Variants in USH2A observed in about 807,000 individuals in gnomAD.
USH2A encodes the protein usherin.
In USH2A, 443 loss-of-function variants were observed where a neutral mutation model predicts 538.9. The observed-to-expected ratio is 0.82, with a 90% confidence interval of 0.76 to 0.89. The LOEUF (loss-of-function observed/expected upper bound fraction) is 0.89, where lower values mean the gene tolerates loss of function less well. USH2A is among the 40% of genes least tolerant of loss of function. The pLI is 0.00. For synonymous variants in USH2A, 2,413 were observed against 2,273.5 expected, an observed-to-expected ratio of 1.06 and a Z score of -1.75; for missense variants, 6,633 against 6,324.8, an observed-to-expected ratio of 1.05 and a Z score of -1.65.
At chr1:216,211,914 A>G (rs781038147) in intron 15 of USH2A, among the ~76,000 whole-genome samples, 3 of 152,040 alleles carry the variant, frequency 2.0e-5, no homozygotes, top group Non-Finnish European at 2.9e-5. Flanking sequence ...CAACTGCCTC[A>G]TTTACAGCAC....
rs1667893929 is a variant in USH2A, at chr1:215,987,310, A to G, written c.6805+5710T>C. ...ACAATACAGGTCACAAATGTATTAGACAGTAATCCTTTGTGCTACTTCTCT... is the reference window on the plus strand; with the variant it reads ...ACAATACAGGTCACAAATGTATTAGGCAGTAATCCTTTGTGCTACTTCTCT... On this transcript the variant is annotated intron_variant, in intron 35 of 71. Transcript: ENST00000307340. Among the ~76,000 whole-genome samples, 3 of 152,248 alleles carry G rather than the reference A, an allele frequency of 2.0e-5. No homozygotes were observed. In the South Asian group the frequency reaches 6.2e-4, roughly 32 times the overall value.
intron 30 of USH2A, among the ~76,000 whole-genome samples, chr1:216,068,495 G>A (rs2031453978): frequency 6.6e-6 from 1 of 152,128 alleles, no homozygotes; most frequent in South Asian, 2.1e-4. Context: ...GGTGTGGGGT[G>A]GGCAGGGCAG....
chr1:215,931,769 TGTGA>T (rs923452580), intron 38 of USH2A, among the ~76,000 whole-genome samples: 8 of 152,144 alleles, frequency 5.3e-5, no homozygotes, highest in African/African-American at 1.7e-4. Flanking sequence ...AAGATAGAAA[TGTGA>T]GTAAGAAACA....
At chr1:216,113,497 G>A (rs573905522) in intron 21 of USH2A, among the ~76,000 whole-genome samples, 1 of 152,104 alleles carries the variant, frequency 6.6e-6, no homozygotes, top group African/African-American at 2.4e-5. Flanking sequence ...ACTAGTATTC[G>A]ATAGATTTAA....
At chr1:216,082,311 T>C (rs2031975401) in intron 26 of USH2A, among the ~76,000 whole-genome samples, 1 of 152,088 alleles carries the variant, frequency 6.6e-6, no homozygotes, top group Non-Finnish European at 1.5e-5. Flanking sequence ...TCAGAGAAGA[T>C]TCATAGACAT....
chr1:215,781,788 G>T (rs1661649435), intron 54 of USH2A, among the ~76,000 whole-genome samples: 1 of 152,156 alleles, frequency 6.6e-6, no homozygotes, highest in Non-Finnish European at 1.5e-5. Context: ...TGGAAGAAAA[G>T]ATGGTACTGC....
intron 38 of USH2A, among the ~76,000 whole-genome samples, chr1:215,912,409 T>C (rs1553275476): frequency 1.3e-5 from 2 of 149,212 alleles, no homozygotes; most frequent in South Asian, 2.1e-4. Context: ...TTTTATTCTT[T>C]AAAAAAATTT....
chr1:215,752,261 T>G (rs2102735568), intron 58 of USH2A, among the ~76,000 whole-genome samples: 1 of 152,306 alleles, frequency 6.6e-6, no homozygotes, highest in East Asian at 1.9e-4. Context: ...TGTTCCTCCA[T>G]TAATTCAGCA....
At chr1:216,229,563 CCTT>C (rs2035635659) in intron 14 of USH2A, among the ~76,000 whole-genome samples, 1 of 152,128 alleles carries the variant, frequency 6.6e-6, no homozygotes, top group Non-Finnish European at 1.5e-5. Context: ...GATCTGGTCA[CCTT>C]AGCCTCCCAA....
intron 47 of USH2A, among the ~76,000 whole-genome samples, chr1:215,837,677 A>C (rs191181915): frequency 7.2e-5 from 11 of 152,290 alleles, no homozygotes; most frequent in African/African-American, 2.6e-4. Context: ...CATTACAATT[A>C]AGCTTGTATT....
At chr1:216,144,115 C>G (rs964517992) in intron 21 of USH2A, among the ~76,000 whole-genome samples, 19 of 152,120 alleles carry the variant, frequency 1.2e-4, no homozygotes, top group African/African-American at 4.6e-4. Context: ...AACATTTTAT[C>G]TTATCAGACT....
At chr1:215,670,205 C>G (rs1657767566) in intron 64 of USH2A, among the ~76,000 whole-genome samples, 1 of 152,206 alleles carries the variant, frequency 6.6e-6, no homozygotes, top group African/African-American at 2.4e-5. Context: ...TGCTGAAGAT[C>G]AAGCCCCAGG....
At chr1:215,631,073 C>T (rs1398525438) in intron 70 of USH2A, among the ~76,000 whole-genome samples, 6 of 152,134 alleles carry the variant, frequency 3.9e-5, no homozygotes, top group African/African-American at 1.4e-4. Context: ...TTCCTTGGCA[C>T]CTCTGCCTAT....
chr1:215,703,424 C>T (rs1447653305), intron 61 of USH2A, among the ~76,000 whole-genome samples: 1 of 152,182 alleles, frequency 6.6e-6, no homozygotes, highest in Non-Finnish European at 1.5e-5. Flanking sequence ...GCCAGCCCTT[C>T]CCTCAGGTGC....
chr1:216,312,300 T>C (rs1385161404), intron 9 of USH2A, among the ~76,000 whole-genome samples: 1 of 152,128 alleles, frequency 6.6e-6, no homozygotes, highest in Non-Finnish European at 1.5e-5. Flanking sequence ...TCAGCCAGGC[T>C]CCTTTTAAGA....
At chr1:215,965,284 T>G in intron 37 of USH2A, 33 bp downstream of exon 37, 1 of 1,591,756 alleles carries the variant, frequency 6.3e-7, no homozygotes. Context: ...TTTTCTAATG[T>G]TATTTAAAGT....
At chr1:216,249,243 C>G (rs2036111344) in intron 12 of USH2A, among the ~76,000 whole-genome samples, 1 of 151,960 alleles carries the variant, frequency 6.6e-6, no homozygotes, top group African/African-American at 2.4e-5. Flanking sequence ...TTAGTCTTCA[C>G]AAAATATATA....
chr1:215,873,926 A>G (rs961572597), intron 43 of USH2A, among the ~76,000 whole-genome samples: 3 of 152,200 alleles, frequency 2.0e-5, no homozygotes, highest in African/African-American at 4.8e-5. Flanking sequence ...CTGACAGTCA[A>G]TATTTTCTCT....
At chr1:215,732,533 CTTTTTTCTTTCTTTT>C (rs1660027585) in intron 60 of USH2A, among the ~76,000 whole-genome samples, 1 of 114,894 alleles carries the variant, frequency 8.7e-6, no homozygotes, top group Non-Finnish European at 1.9e-5. Flanking sequence ...TCTTATTCTC[CTTTTTTCTTTCTTTT>C]TTTTTTTTTT....
Sources: allele counts gnomAD v4.1 joint callset (sites outside exome capture counted in the v4.1 genomes callset), GRCh38; gene constraint gnomAD v4.1.1; transcripts MANE v1.5; gene names NCBI Gene and HGNC (gene_info 2026-07-23, HGNC 2026-07-21).